Variants in ANKS1A observed in about 807,000 individuals in gnomAD.
The protein encoded by ANKS1A is ankyrin repeat and SAM domain-containing protein 1A.
In ANKS1A, 55 loss-of-function variants were observed where a neutral mutation model predicts 120.3. The observed-to-expected ratio is 0.46, with a 90% CI of 0.37 to 0.57. ANKS1A has a LOEUF of 0.57. ANKS1A is among the 20% of genes least tolerant of loss of function. ANKS1A has a pLI of 0.00. For synonymous variants in ANKS1A, 590 were observed against 604.7 expected, an observed-to-expected ratio of 0.98 and a Z score of 0.36; for missense variants, 1,123 against 1,480.3, an observed-to-expected ratio of 0.76 and a Z score of 3.96.
intron 1 of ANKS1A, among the ~76,000 whole-genome samples, chr6:34,963,864 T>G (rs1259252173): frequency 6.6e-6 from 1 of 152,194 alleles, no homozygotes; most frequent in African/African-American, 2.4e-5. Context: ...CTCTAATGAC[T>G]AGTGATGTTG....
chr6:35,080,304 C>G (rs1247625412), intron 16 of ANKS1A, among the ~76,000 whole-genome samples: 1 of 152,186 alleles, frequency 6.6e-6, no homozygotes, highest in Non-Finnish European at 1.5e-5. Flanking sequence ...GCTGGGGTGG[C>G]TAAGACAGCT....
At chr6:35,021,998 A>C (rs1196906754) in intron 11 of ANKS1A, among the ~76,000 whole-genome samples, 2 of 151,698 alleles carry the variant, frequency 1.3e-5, no homozygotes, top group East Asian at 3.9e-4. Flanking sequence ...AAAAAAAAAA[A>C]ACAAAACAGA....
chr6:35,045,819 A>AG (rs1775694130), intron 11 of ANKS1A, among the ~76,000 whole-genome samples: 1 of 152,196 alleles, frequency 6.6e-6, no homozygotes, highest in African/African-American at 2.4e-5. Flanking sequence ...TAGTGCAGTG[A>AG]GGACCCCACT....
At chr6:34,985,408 T>C (rs1440337112) in intron 8 of ANKS1A, 130 bp downstream of exon 8, 23 of 833,238 alleles carry the variant, frequency 2.8e-5, no homozygotes, top group Middle Eastern at 3.7e-4. Flanking sequence ...AGCCCACTTA[T>C]TCTCTTCTTC....
intron 1 of ANKS1A, among the ~76,000 whole-genome samples, chr6:34,904,416 A>G (rs1767531208): frequency 6.6e-6 from 1 of 152,066 alleles, no homozygotes; most frequent in African/African-American, 2.4e-5. Flanking sequence ...AATAACCACC[A>G]GGATTGCCTT....
rs77673503 is a variant in ANKS1A at position 34,919,688 on chromosome 6, C to G, written c.197+30089C>G. Among the ~76,000 whole-genome samples, 318 of 152,306 alleles carry G rather than the reference C, an allele frequency of 2.1e-3. 8 individuals are homozygous for G. The East Asian group carries it at 0.059, about 28-fold the overall frequency. On this transcript the variant is annotated intron_variant, in intron 1 of 23. Transcript: ENST00000360359. ...TATGACCTTGGGCAAGTTTCTTAACCTCTTTGGTTCATCTTTAAAATGGTG... is the reference window on the plus strand; with the variant it reads ...TATGACCTTGGGCAAGTTTCTTAACGTCTTTGGTTCATCTTTAAAATGGTG...
intron 1 of ANKS1A, among the ~76,000 whole-genome samples, chr6:34,896,899 GGTT>G (rs1175829468): frequency 6.6e-6 from 1 of 152,242 alleles, no homozygotes; most frequent in Admixed American, 6.5e-5. Context: ...GGGAGGCAGA[GGTT>G]GTAGTGAGCC....
intron 10 of ANKS1A, among the ~76,000 whole-genome samples, chr6:35,003,126 C>CG (rs1773256818): frequency 6.6e-6 from 1 of 151,874 alleles, no homozygotes. Context: ...CTATGCTTCC[C>CG]GCAAAAAGAA....
intron 1 of ANKS1A, among the ~76,000 whole-genome samples, chr6:34,924,280 A>C (rs79982289): frequency 3.3e-5 from 5 of 152,064 alleles, no homozygotes; most frequent in Non-Finnish European, 7.4e-5. Context: ...TGATGCATTT[A>C]TAGGTTCCAG....
intron 1 of ANKS1A, among the ~76,000 whole-genome samples, chr6:34,934,328 T>C (rs1362376933): frequency 2.0e-5 from 3 of 152,062 alleles, no homozygotes; most frequent in African/African-American, 7.2e-5. Context: ...TTTTGTATTT[T>C]TAGTAGAGAT....
At chr6:34,970,207 A>AAT (rs770366333) in intron 3 of ANKS1A, 41 bp downstream of exon 3, 6 of 1,578,290 alleles carry the variant, frequency 3.8e-6, no homozygotes, top group Non-Finnish European at 3.4e-6. Context: ...ATTCAGCTAT[A>AAT]GCCAGATGTG....
At chr6:35,046,271 C>T (rs1775716705) in intron 11 of ANKS1A, among the ~76,000 whole-genome samples, 1 of 152,202 alleles carries the variant, frequency 6.6e-6, no homozygotes. Flanking sequence ...AACACAGAAG[C>T]TGTGCTGAGA....
intron 1 of ANKS1A, among the ~76,000 whole-genome samples, chr6:34,944,263 G>C (rs1164560660): frequency 1.3e-5 from 2 of 151,630 alleles, no homozygotes; most frequent in South Asian, 4.2e-4. Flanking sequence ...GGGCAACAGC[G>C]AGATGCCATC....
In ANKS1A at chr6:35,016,781, A is replaced by AAGAG. The variant is rs61705178; in HGVS notation, c.1424-684_1424-681dup. Among the ~76,000 whole-genome samples, 351 of 134,516 alleles carry AAGAG rather than the reference A, an allele frequency of 2.6e-3. 55 individuals are homozygous for AAGAG. Among genetic ancestry groups the AAGAG allele is most frequent in the Middle Eastern group, 3.9e-3 (1 of 256 alleles). The allele number at this position is 134,516 out of a possible 152,430, so 88.2% of individuals were successfully genotyped here. Reference sequence around the variant, plus strand: ...CACATTCTCAAAAAAAAAAAAAAAAAAGAGAGAGAGAAAGAAAAGTCTGTG... The same window carrying AAGAG: ...CACATTCTCAAAAAAAAAAAAAAAAAAGAGAGAGAGAGAGAAAGAAAAGTCTGTG... On this transcript the variant is annotated intron_variant, in intron 10 of 23. Transcript: ENST00000360359.
intron 9 of ANKS1A, among the ~76,000 whole-genome samples, chr6:34,990,041 G>A (rs1772422656): frequency 6.6e-6 from 1 of 152,108 alleles, no homozygotes; most frequent in African/African-American, 2.4e-5. Flanking sequence ...TAGTCATTTT[G>A]TAGCTCATTC....
chr6:35,036,296 T>C (rs925474740), intron 11 of ANKS1A, among the ~76,000 whole-genome samples: 2 of 152,226 alleles, frequency 1.3e-5, no homozygotes, highest in Admixed American at 1.3e-4. Context: ...TTACTCACGT[T>C]TGACTTCATG....
chr6:34,929,499 T>G (rs984072491), intron 1 of ANKS1A, among the ~76,000 whole-genome samples: 14 of 152,364 alleles, frequency 9.2e-5, no homozygotes, highest in Admixed American at 9.1e-4. Context: ...GTCTCTAGTT[T>G]GGCATACAGA....
Position 35,088,770 on chromosome 6 carries a change from C to A in ANKS1A, c.*161C>A. ...ACTTGGCCTGGGCCTGCCACCACCA[C>A]GTCCTGCAGAACGAGCCCTGCCTTG... On this transcript the variant is annotated 3_prime_UTR_variant, in exon 24 of 24. Transcript: ENST00000360359. 6.4e-7 allele frequency: 1 copy of A among 1,554,766 alleles called. No homozygotes were observed. The highest frequency in any genetic ancestry group is 8.7e-7 in the Non-Finnish European group (1 of 1,153,144).
intron 3 of ANKS1A, among the ~76,000 whole-genome samples, chr6:34,980,820 G>A (rs1037136336): frequency 1.3e-5 from 2 of 152,178 alleles, no homozygotes; most frequent in African/African-American, 2.4e-5. Flanking sequence ...GGTTGATAAA[G>A]CACACAATTC....
Sources: gnomAD v4.1 joint callset for allele counts (sites outside exome capture counted in the v4.1 genomes callset) on GRCh38, gnomAD v4.1.1 for gene constraint, MANE v1.5 for transcripts, NCBI Gene and HGNC (gene_info 2026-07-23, HGNC 2026-07-21) for gene names.